The following ANO3 variants were observed in gnomAD, a reference collection of about 807,000 sequenced individuals.
The protein encoded by ANO3 is anoctamin-3.
Under a neutral mutation model 144.8 loss-of-function variants are expected in ANO3, and 99 were observed. The observed-to-expected ratio is 0.68, with a 90% confidence interval of 0.58 to 0.81. The LOEUF (loss-of-function observed/expected upper bound fraction) is 0.81, where lower values mean the gene tolerates loss of function less well. Ranked by LOEUF, ANO3 falls within the 30% of genes least tolerant of loss-of-function variation. ANO3 has a pLI of 0.00. For missense variants in ANO3, 905 were observed against 1,202.2 expected (o/e 0.75, Z 3.66); for synonymous variants, 414 against 392.6 (o/e 1.05, Z -0.64).
intron 1 of ANO3, among the ~76,000 whole-genome samples, chr11:26,275,183 T>C (rs1193938070): frequency 6.6e-6 from 1 of 152,110 alleles, no homozygotes; most frequent in Non-Finnish European, 1.5e-5. Flanking sequence ...TTAGAAGAAA[T>C]GGAATCTGGA....
intron 1 of ANO3, among the ~76,000 whole-genome samples, chr11:26,206,825 T>C (rs1227969746): frequency 2.0e-5 from 3 of 152,204 alleles, no homozygotes; most frequent in Non-Finnish European, 4.4e-5. Flanking sequence ...TTTGCTTCAC[T>C]AATTTAAAAA....
chr11:26,265,456 T>C (rs991751416), intron 1 of ANO3, among the ~76,000 whole-genome samples: 4 of 152,220 alleles, frequency 2.6e-5, no homozygotes, highest in African/African-American at 9.6e-5. Context: ...GATTCTACAT[T>C]AACATCATTT....
chr11:26,602,163 A>T (rs1393363147), intron 17 of ANO3, among the ~76,000 whole-genome samples: 1 of 152,222 alleles, frequency 6.6e-6, no homozygotes, highest in Non-Finnish European at 1.5e-5. Flanking sequence ...AATTCAACCC[A>T]CAGATGGACA....
At chr11:26,245,020 T>TGCGC (rs1554928329) in intron 1 of ANO3, among the ~76,000 whole-genome samples, 1 of 141,506 alleles carries the variant, frequency 7.1e-6, no homozygotes, top group Admixed American at 7.2e-5. Context: ...TGTGTGTGTG[T>TGCGC]GCATGCATGC....
At chr11:26,353,731 G>A (rs1855706780) in intron 1 of ANO3, among the ~76,000 whole-genome samples, 1 of 152,066 alleles carries the variant, frequency 6.6e-6, no homozygotes, top group Admixed American at 6.6e-5. Context: ...ACCGCGTCAG[G>A]CTAATTTTTA....
In ANO3 at chr11:26,341,447, T is replaced by C. The variant is rs559244531; in HGVS notation, c.46+9126T>C. Among the ~76,000 whole-genome samples the C allele has an allele frequency of 6.6e-4, 101 of 152,340 alleles. 1 individual carries two copies. Among genetic ancestry groups the C allele is most frequent in the Non-Finnish European group, 1.1e-3 (76 of 68,030 alleles). On this transcript the variant is annotated intron_variant, in intron 1 of 26. Coordinates refer to ENST00000256737, the MANE Select transcript of ANO3 (RefSeq NM_031418.4). ...TAATTAATTTCAGTTTCTTTAGTTA[T>C]GAAAACAGAAATAAGTGCTGTTATT...
intron 1 of ANO3, among the ~76,000 whole-genome samples, chr11:26,235,594 CTTTT>C (rs55765741): frequency 0.3 from 42,104 of 139,680 alleles, 6,523 homozygotes; most frequent in Non-Finnish European, 0.36. Flanking sequence ...ACAATGTATA[CTTTT>C]TTTTTTTTTT....
chr11:26,613,090 G>A (rs1400553381), intron 17 of ANO3, among the ~76,000 whole-genome samples: 1 of 152,054 alleles, frequency 6.6e-6, no homozygotes, highest in Admixed American at 6.6e-5. Context: ...TAGGCTTTCT[G>A]TGTCTTTCTC....
chr11:26,514,368 A>G (rs1861783267), intron 5 of ANO3, among the ~76,000 whole-genome samples: 1 of 152,124 alleles, frequency 6.6e-6, no homozygotes, highest in Admixed American at 6.6e-5. Flanking sequence ...TGAGAAAAAA[A>G]CATTTCTGGA....
intron 20 of ANO3, among the ~76,000 whole-genome samples, chr11:26,638,311 A>G (rs906967239): frequency 7.9e-5 from 12 of 152,212 alleles, no homozygotes; most frequent in African/African-American, 2.7e-4. Flanking sequence ...TGCTTCTCAT[A>G]TATCCCTGAT....
chr11:26,533,940 A>T lies in ANO3; in HGVS notation c.870-516A>T, dbSNP rs1468542701. ...CCAGCATACTATAAAGTAAATACTG[A>T]AACAGACCCTTCCATCCCTCTTGAG... On this transcript the variant is annotated intron_variant, in intron 8 of 26. Coordinates refer to ENST00000256737, the MANE Select transcript of ANO3 (RefSeq NM_031418.4). Among the ~76,000 whole-genome samples, 3 of 152,210 alleles carry T rather than the reference A, an allele frequency of 2.0e-5. No individual in the cohort carries two copies. The East Asian group carries it at 5.8e-4, about 29-fold the overall frequency.
chr11:26,448,200 G>C (rs1253427104), intron 3 of ANO3, among the ~76,000 whole-genome samples: 1 of 151,820 alleles, frequency 6.6e-6, no homozygotes, highest in Non-Finnish European at 1.5e-5. Context: ...TAGGGAGGCT[G>C]AGGCAGGAGA....
At chr11:26,260,518 T>A (rs1370711116) in intron 1 of ANO3, among the ~76,000 whole-genome samples, 2 of 151,928 alleles carry the variant, frequency 1.3e-5, no homozygotes, top group Admixed American at 6.6e-5. Flanking sequence ...TATCACCGCA[T>A]GGAACAGTCC....
intron 1 of ANO3, among the ~76,000 whole-genome samples, chr11:26,228,441 G>T (rs1414638081): frequency 3.9e-5 from 6 of 152,186 alleles, no homozygotes; most frequent in African/African-American, 1.4e-4. Flanking sequence ...AATATTTTCT[G>T]CTTTCTCAGT....
chr11:26,524,785 C>A (rs2134166279), intron 6 of ANO3, among the ~76,000 whole-genome samples: 1 of 152,250 alleles, frequency 6.6e-6, no homozygotes, highest in South Asian at 2.1e-4. Flanking sequence ...ATCATCTGTG[C>A]CTTGTTTACC....
intron 1 of ANO3, among the ~76,000 whole-genome samples, chr11:26,364,203 G>A (rs1159022778): frequency 6.6e-6 from 1 of 152,052 alleles, no homozygotes; most frequent in Non-Finnish European, 1.5e-5. Context: ...ATTTTTTTTA[G>A]TTCCATATAG....
chr11:26,414,660 T>C (rs1029309157), intron 1 of ANO3, among the ~76,000 whole-genome samples: 2 of 150,538 alleles, frequency 1.3e-5, no homozygotes, highest in African/African-American at 4.9e-5. Flanking sequence ...AAATCCTAGA[T>C]GACGGGTTGA....
chr11:26,521,436 A>C (rs1039100842), intron 6 of ANO3, among the ~76,000 whole-genome samples: 5 of 152,126 alleles, frequency 3.3e-5, no homozygotes, highest in Non-Finnish European at 7.4e-5. Context: ...TTCTGTCATA[A>C]ACATGAATCT....
chr11:26,356,268 C>T (rs545332170), intron 1 of ANO3, among the ~76,000 whole-genome samples: 3 of 152,164 alleles, frequency 2.0e-5, no homozygotes, highest in South Asian at 2.1e-4. Flanking sequence ...GTAAACTACA[C>T]GTACTTAAAA....
Sources: allele counts gnomAD v4.1 joint callset (sites outside exome capture counted in the v4.1 genomes callset), GRCh38; gene constraint gnomAD v4.1.1; transcripts MANE v1.5; gene names NCBI Gene and HGNC (gene_info 2026-07-23, HGNC 2026-07-21).